Variants in SCN9A observed in about 807,000 individuals in gnomAD.
The protein encoded by SCN9A is sodium channel protein type 9 subunit alpha.
In SCN9A, 131 loss-of-function variants were observed where a neutral mutation model predicts 187.0. The observed-to-expected ratio is 0.70, with a 90% CI of 0.61 to 0.81. The LOEUF (loss-of-function observed/expected upper bound fraction) is 0.81. Among genes scored for constraint, SCN9A ranks in the 30% least tolerant of loss-of-function variants. The pLI, the probability that SCN9A is intolerant of heterozygous loss-of-function variation, is 0.00. For synonymous variants in SCN9A, 809 were observed against 808.6 expected (o/e 1.00, Z -0.01); for missense variants, 2,252 against 2,396.6 (o/e 0.94, Z 1.26).
intron 18 of SCN9A, among the ~76,000 whole-genome samples, chr2:166,249,174 C>T (rs1235908598): frequency 6.6e-6 from 1 of 152,096 alleles, no homozygotes; most frequent in Non-Finnish European, 1.5e-5. Flanking sequence ...TATAGGCAGG[C>T]TTTCTCTGAC....
At chr2:166,320,369 G>A (rs1699208170) in intron 1 of SCN9A, among the ~76,000 whole-genome samples, 1 of 152,024 alleles carries the variant, frequency 6.6e-6, no homozygotes, top group African/African-American at 2.4e-5. Flanking sequence ...TACCTTCACT[G>A]GGCTTGAAAA....
intron 13 of SCN9A, among the ~76,000 whole-genome samples, chr2:166,280,863 T>C (rs1352966533): frequency 6.6e-6 from 1 of 152,196 alleles, no homozygotes; most frequent in Non-Finnish European, 1.5e-5. Flanking sequence ...AAAATGCACC[T>C]AACATGTGAT....
intron 1 of SCN9A, among the ~76,000 whole-genome samples, chr2:166,314,296 C>A (rs1028582927): frequency 2.6e-5 from 4 of 152,054 alleles, no homozygotes; most frequent in African/African-American, 9.7e-5. Flanking sequence ...TAAAGTAAAG[C>A]CCCATAAAAT....
At chr2:166,368,524 T>C (rs1390706780) in intron 1 of SCN9A, among the ~76,000 whole-genome samples, 1 of 151,918 alleles carries the variant, frequency 6.6e-6, no homozygotes, top group African/African-American at 2.4e-5. Context: ...TCCCAGCTAC[T>C]TGGGAGGCTG....
intron 16 of SCN9A, among the ~76,000 whole-genome samples, chr2:166,275,129 T>C (rs530708944): frequency 6.6e-6 from 1 of 152,252 alleles, no homozygotes; most frequent in African/African-American, 2.4e-5. Flanking sequence ...TAAAAAATAT[T>C]GAGTGGAAAA....
intron 17 of SCN9A, among the ~76,000 whole-genome samples, chr2:166,263,769 T>C (rs925915447): frequency 2.0e-5 from 3 of 151,924 alleles, no homozygotes; most frequent in Admixed American, 1.3e-4. Context: ...GGGGTCCTTA[T>C]AAGAAGAAAA....
intron 1 of SCN9A, among the ~76,000 whole-genome samples, chr2:166,322,164 C>CT (rs975548123): frequency 3.2e-4 from 48 of 152,246 alleles, no homozygotes; most frequent in African/African-American, 8.9e-4. Context: ...TTAGAAAACA[C>CT]TTTTTTAAAA....
rs199717009 is a variant in SCN9A, at chr2:166,375,710, C to G, written c.-64G>C. On this transcript the variant is annotated 5_prime_UTR_variant, in exon 1 of 27. Transcript: ENST00000642356. ...AAAGGCACTTACTTGCAACCTAGCC[C>G]GCCGATCATCCCCACCCAGTGCACC... The G allele has an allele frequency of 6.6e-6, 1 of 152,374 alleles. No individual in the cohort carries two copies. The highest frequency in any genetic ancestry group is 6.5e-5 in the Admixed American group (1 of 15,284). 9.4% of individuals were successfully genotyped at this position (152,374 alleles called of 1,614,324 possible). A position where few individuals can be genotyped will look rare whatever the true frequency, so the allele number is the denominator to read the frequency against.
At chr2:166,290,578 A>G (rs915664049) in intron 9 of SCN9A, among the ~76,000 whole-genome samples, 1 of 152,062 alleles carries the variant, frequency 6.6e-6, no homozygotes, top group Admixed American at 6.6e-5. Context: ...ACCAGAATCT[A>G]TTGTTTCTCA....
At chr2:166,282,665 T>G (rs1275554506) in intron 12 of SCN9A, among the ~76,000 whole-genome samples, 1 of 152,118 alleles carries the variant, frequency 6.6e-6, no homozygotes, top group African/African-American at 2.4e-5. Context: ...GTATATATTT[T>G]AAATATATAT....
chr2:166,300,733 A>C (rs988942472), intron 7 of SCN9A, among the ~76,000 whole-genome samples: 4 of 150,894 alleles, frequency 2.7e-5, no homozygotes, highest in Non-Finnish European at 5.9e-5. Context: ...GACTTGATTT[A>C]AACACCTCTT....
At chr2:166,236,614 G>A (rs1695330450) in intron 20 of SCN9A, among the ~76,000 whole-genome samples, 1 of 151,920 alleles carries the variant, frequency 6.6e-6, no homozygotes. Flanking sequence ...GTAGAGACGG[G>A]GTTTCACCAT....
At chr2:166,370,314 C>T (rs191681855) in intron 1 of SCN9A, among the ~76,000 whole-genome samples, 4 of 150,644 alleles carry the variant, frequency 2.7e-5, no homozygotes, top group African/African-American at 4.9e-5. Flanking sequence ...GAGGTCGAGG[C>T]GGGCGGATCA....
At chr2:166,203,228 C>G (rs1415145505) in intron 26 of SCN9A, among the ~76,000 whole-genome samples, 3 of 151,790 alleles carry the variant, frequency 2.0e-5, no homozygotes, top group African/African-American at 7.2e-5. Context: ...GATTGATAAC[C>G]TGTTGATTAA....
intron 17 of SCN9A, among the ~76,000 whole-genome samples, chr2:166,271,695 CT>C (rs990624996): frequency 6.6e-6 from 1 of 151,792 alleles, no homozygotes; most frequent in African/African-American, 2.4e-5. Context: ...TCTCTACAAA[CT>C]TTTTTAAAAA....
At chr2:166,295,716 C>T (rs1222964575) in intron 7 of SCN9A, among the ~76,000 whole-genome samples, 1 of 152,152 alleles carries the variant, frequency 6.6e-6, no homozygotes, top group African/African-American at 2.4e-5. Context: ...AATTTGTTTT[C>T]TAAAATTATC....
intron 1 of SCN9A, among the ~76,000 whole-genome samples, chr2:166,333,613 A>G (rs573793230): frequency 7.8e-4 from 118 of 152,218 alleles, no homozygotes; most frequent in Non-Finnish European, 1.5e-3. Flanking sequence ...TAAAGAACAC[A>G]ATACCATATT....
intron 1 of SCN9A, among the ~76,000 whole-genome samples, chr2:166,372,357 A>G (rs1186528493): frequency 1.3e-5 from 2 of 152,196 alleles, no homozygotes; most frequent in Non-Finnish European, 2.9e-5. Flanking sequence ...CTACATTTCT[A>G]TCAACTGAGC....
intron 1 of SCN9A, among the ~76,000 whole-genome samples, chr2:166,334,041 T>C (rs926666637): frequency 7.9e-5 from 12 of 152,110 alleles, no homozygotes; most frequent in Admixed American, 4.6e-4. Flanking sequence ...AGATATGGAA[T>C]GCTATGAGCA....
Sources: allele counts gnomAD v4.1 joint callset (sites outside exome capture counted in the v4.1 genomes callset), GRCh38; gene constraint gnomAD v4.1.1; transcripts MANE v1.5; gene names NCBI Gene and HGNC (gene_info 2026-07-23, HGNC 2026-07-21).